Variants in PEX5L observed in about 807,000 individuals in gnomAD.
PEX5L encodes the protein PEX5-related protein.
Under a neutral mutation model 84.0 loss-of-function variants are expected in PEX5L, and 30 were observed. The ratio of observed to expected loss-of-function variants is 0.36; its 90% CI spans 0.27 to 0.48. PEX5L has a LOEUF of 0.48. Among genes scored for constraint, PEX5L ranks in the 20% least tolerant of loss-of-function variants. The pLI is 0.99. For synonymous variants in PEX5L, 270 were observed against 283.1 expected, an observed-to-expected ratio of 0.95 and a Z score of 0.46; for missense variants, 533 against 754.6, an observed-to-expected ratio of 0.71 and a Z score of 3.44.
chr3:179,984,996 C>T (rs1025906787), intron 1 of PEX5L, among the ~76,000 whole-genome samples: 2 of 152,110 alleles, frequency 1.3e-5, no homozygotes, highest in African/African-American at 4.8e-5. Flanking sequence ...CTTGTGTTCC[C>T]GTGCTCTTTT....
chr3:179,893,544 A>G (rs76126756), intron 3 of PEX5L, among the ~76,000 whole-genome samples: 3,905 of 152,240 alleles, frequency 0.026, 173 homozygotes, highest in African/African-American at 0.09. Context: ...TAGAGCTCAA[A>G]GTTTCTGATA....
intron 2 of PEX5L, among the ~76,000 whole-genome samples, chr3:179,922,061 A>C (rs1038850127): frequency 2.0e-5 from 3 of 151,702 alleles, no homozygotes; most frequent in African/African-American, 7.3e-5. Flanking sequence ...CATAATGTAT[A>C]TTCTGTAAAA....
Position 179,795,270 on chromosome 3 carries a change from G to C in PEX5L, c.*6558C>G, listed in dbSNP as rs1339559312. On this transcript the variant is annotated 3_prime_UTR_variant, in exon 15 of 15. Transcript: ENST00000467460. ...CAGACAAAGTTTATTTGAAAACATAGTTTAAAATTGCACAAATATAAATAC... is the reference window on the plus strand; with the variant it reads ...CAGACAAAGTTTATTTGAAAACATACTTTAAAATTGCACAAATATAAATAC... 1.3e-5 allele frequency: 2 copies of C among 152,094 alleles called. No individual in the cohort carries two copies. The highest frequency in any genetic ancestry group is 1.5e-5 in the Non-Finnish European group (1 of 68,008). The allele number at this position is 152,094 out of a possible 1,614,324, so 9.4% of individuals were successfully genotyped here. A position where few individuals can be genotyped will look rare whatever the true frequency, so the allele number is the denominator to read the frequency against.
intron 1 of PEX5L, among the ~76,000 whole-genome samples, chr3:179,976,160 G>A (rs1189764631): frequency 1.3e-5 from 2 of 152,248 alleles, no homozygotes; most frequent in Non-Finnish European, 2.9e-5. Flanking sequence ...AGTAAATGAT[G>A]AGGAAGAGGA....
At chr3:179,989,493 T>G (rs1357633148) in intron 1 of PEX5L, among the ~76,000 whole-genome samples, 3 of 152,188 alleles carry the variant, frequency 2.0e-5, no homozygotes, top group East Asian at 3.8e-4. Context: ...TTTACAAAAT[T>G]TATCCATTTA....
intron 8 of PEX5L, among the ~76,000 whole-genome samples, chr3:179,844,624 C>G (rs1011697321): frequency 7.9e-5 from 12 of 152,160 alleles, no homozygotes; most frequent in African/African-American, 2.9e-4. Context: ...GTCAGAAGAT[C>G]GAGACCATCC....
At chr3:179,838,139 A>G (rs936071466) in intron 8 of PEX5L, among the ~76,000 whole-genome samples, 1 of 152,206 alleles carries the variant, frequency 6.6e-6, no homozygotes, top group Non-Finnish European at 1.5e-5. Flanking sequence ...ATGTTTTTGA[A>G]ATTCTTCAAA....
At chr3:179,855,797 G>C (rs4855120) in intron 8 of PEX5L, among the ~76,000 whole-genome samples, 22,817 of 152,132 alleles carry the variant, frequency 0.15, 1,768 homozygotes, top group South Asian at 0.26. Flanking sequence ...CAGCAAGAAG[G>C]TGCCATCTAT....
chr3:179,974,063 C>T, intron 1 of PEX5L: 1 of 985,576 alleles, frequency 1.0e-6, no homozygotes, highest in Non-Finnish European at 1.2e-6. Context: ...ACTCAGCTTC[C>T]CACTTTGCTT....
intron 8 of PEX5L, among the ~76,000 whole-genome samples, chr3:179,829,671 G>C (rs1018630187): frequency 6.6e-6 from 1 of 151,660 alleles, no homozygotes; most frequent in Non-Finnish European, 1.5e-5. Context: ...CTTTTCTCCC[G>C]TTTTCCTTTG....
intron 1 of PEX5L, among the ~76,000 whole-genome samples, chr3:180,004,127 ATT>A (rs924141412): frequency 2.0e-5 from 3 of 152,120 alleles, no homozygotes; most frequent in African/African-American, 7.2e-5. Context: ...CTACAAATTT[ATT>A]TTTTGCCGTT....
Position 179,828,663 on chromosome 3 carries a change from ATG to A in PEX5L, c.823-8689_823-8688del, listed in dbSNP as rs111516926. Among the ~76,000 whole-genome samples the A allele has an allele frequency of 1.3e-3, 190 of 145,896 alleles. 1 individual carries two copies. The highest frequency in any genetic ancestry group is 2.8e-3 in the African/African-American group (114 of 40,118). Reference sequence around the variant, plus strand: ...ATGTATTTTACCTTTAACTATGTGTATGTGTGTGTGTGTGTGTGTGTGTGTGT... The same window carrying A: ...ATGTATTTTACCTTTAACTATGTGTATGTGTGTGTGTGTGTGTGTGTGTGT... On this transcript the variant is annotated intron_variant, in intron 8 of 14. Coordinates refer to ENST00000467460, the MANE Select transcript of PEX5L (RefSeq NM_016559.3).
intron 7 of PEX5L, among the ~76,000 whole-genome samples, chr3:179,865,528 A>G (rs1356428875): frequency 6.7e-6 from 1 of 148,632 alleles, no homozygotes; most frequent in South Asian, 2.1e-4. Flanking sequence ...TTTTTTTTTC[A>G]TCACAGGCAA....
chr3:179,797,669 T>C lies in PEX5L; in HGVS notation c.*4159A>G, dbSNP rs1266804810. On this transcript the variant is annotated 3_prime_UTR_variant, in exon 15 of 15. Coordinates refer to ENST00000467460, the MANE Select transcript of PEX5L (RefSeq NM_016559.3). ...TCAAAACAGTTTAATTTCAACCAGTTCTATAACTATTGAGATGATGATAGG... is the reference window on the plus strand; with the variant it reads ...TCAAAACAGTTTAATTTCAACCAGTCCTATAACTATTGAGATGATGATAGG... The C allele has an allele frequency of 6.7e-6, 1 of 149,700 alleles. No homozygotes were observed. Among genetic ancestry groups the C allele is most frequent in the Non-Finnish European group, 1.5e-5 (1 of 67,572 alleles). The allele number at this position is 149,700 out of a possible 1,614,324, so 9.3% of individuals were successfully genotyped here. A position where few individuals can be genotyped will look rare whatever the true frequency, so the allele number is the denominator to read the frequency against.
intron 2 of PEX5L, among the ~76,000 whole-genome samples, chr3:179,909,385 T>TG (rs1196387639): frequency 6.6e-6 from 1 of 152,032 alleles, no homozygotes; most frequent in Non-Finnish European, 1.5e-5. Context: ...ACAGAGAAAA[T>TG]GCGTTATCCA....
At chr3:179,993,420 C>T (rs1341319821) in intron 1 of PEX5L, among the ~76,000 whole-genome samples, 1 of 152,180 alleles carries the variant, frequency 6.6e-6, no homozygotes, top group Non-Finnish European at 1.5e-5. Flanking sequence ...ATACCAAAAC[C>T]TGAGGATGCC....
chr3:179,857,647 T>C (rs1744515715), intron 8 of PEX5L, among the ~76,000 whole-genome samples: 1 of 152,252 alleles, frequency 6.6e-6, no homozygotes, highest in Non-Finnish European at 1.5e-5. Context: ...TGTGAATTCA[T>C]TATCTTTCTC....
rs577927503 is a variant in PEX5L at position 179,974,189 on chromosome 3, G to A, written c.22-2524C>T. On this transcript the variant is annotated intron_variant, in intron 1 of 14. Transcript: ENST00000467460. ...CAAAAAGCAAGTCCACAGCTTCTGC[G>A]TGGTCTTTCACAGTAGCCAAAGGAC... is the stretch of plus-strand genomic sequence containing the variant. 5.4e-5 allele frequency: 53 copies of A among 985,374 alleles called. No individual in the cohort carries two copies. The South Asian group carries it at 2.0e-3, about 38-fold the overall frequency. The allele number at this position is 985,374 out of a possible 1,614,324, so 61.0% of individuals were successfully genotyped here. A position where few individuals can be genotyped will look rare whatever the true frequency, so the allele number is the denominator to read the frequency against.
chr3:179,802,125 A>AG, intron 14 of PEX5L, 93 bp from the exon 15 acceptor site: 3 of 868,360 alleles, frequency 3.5e-6, no homozygotes, highest in Non-Finnish European at 5.8e-6. Flanking sequence ...AAGTGATTTT[A>AG]ATCTAAAATC....
Sources: allele counts gnomAD v4.1 joint callset (sites outside exome capture counted in the v4.1 genomes callset), GRCh38; gene constraint gnomAD v4.1.1; transcripts MANE v1.5; gene names NCBI Gene and HGNC (gene_info 2026-07-23, HGNC 2026-07-21).